ERBB4: variants seen among roughly 807,000 people sequenced by gnomAD.
ERBB4 encodes receptor tyrosine-protein kinase erbB-4.
A neutral mutation model predicts 158.0 loss-of-function variants in ERBB4; 42 were observed. The observed-to-expected ratio is 0.27, with a 90% confidence interval of 0.21 to 0.34. The LOEUF is 0.34. ERBB4 is among the 10% of genes least tolerant of loss of function. The pLI is 1.00. For missense variants in ERBB4, 1,333 were observed against 1,624.1 expected (o/e 0.82, Z 3.08); for synonymous variants, 583 against 558.7 (o/e 1.04, Z -0.61).
intron 4 of ERBB4, among the ~76,000 whole-genome samples, chr2:211,757,745 C>A (rs997146916): frequency 1.3e-5 from 2 of 152,150 alleles, no homozygotes; most frequent in African/African-American, 4.8e-5. Flanking sequence ...TAATCTGGCA[C>A]AAAAGTTGTG....
chr2:212,469,773 T>A (rs1490585778), intron 1 of ERBB4, among the ~76,000 whole-genome samples: 1 of 152,148 alleles, frequency 6.6e-6, no homozygotes, highest in Non-Finnish European at 1.5e-5. Context: ...AATTCTAGTG[T>A]GATCATGCAT....
At chr2:212,474,839 T>TTTTTTTTTTTTTTTTTTTG (rs1245995165) in intron 1 of ERBB4, among the ~76,000 whole-genome samples, 5 of 136,218 alleles carry the variant, frequency 3.7e-5, no homozygotes, top group African/African-American at 1.0e-4. Context: ...TTTTTTTTTT[T>TTTTTTTTTTTTTTTTTTTG]TGTCAAGACA....
intron 2 of ERBB4, among the ~76,000 whole-genome samples, chr2:212,021,213 A>C (rs1195823631): frequency 1.3e-5 from 2 of 152,154 alleles, no homozygotes; most frequent in Non-Finnish European, 2.9e-5. Flanking sequence ...GACCTTTAGA[A>C]TTCCTATTCA....
intron 16 of ERBB4, among the ~76,000 whole-genome samples, chr2:211,632,723 A>G (rs963917625): frequency 6.6e-6 from 1 of 152,088 alleles, no homozygotes; most frequent in Non-Finnish European, 1.5e-5. Flanking sequence ...TTGCCATATA[A>G]TTACTATACA....
At chr2:211,872,799 A>G (rs913323405) in intron 3 of ERBB4, among the ~76,000 whole-genome samples, 1 of 152,092 alleles carries the variant, frequency 6.6e-6, no homozygotes, top group Non-Finnish European at 1.5e-5. Context: ...TAAAAGGTAC[A>G]TTTACTTTTA....
chr2:211,453,723 T>C (rs766315847), intron 20 of ERBB4, among the ~76,000 whole-genome samples: 2 of 152,144 alleles, frequency 1.3e-5, no homozygotes, highest in Non-Finnish European at 2.9e-5. Context: ...CCCAGGATAA[T>C]AGACGTATTT....
intron 1 of ERBB4, among the ~76,000 whole-genome samples, chr2:212,469,142 T>C (rs1422972911): frequency 1.3e-5 from 2 of 152,188 alleles, no homozygotes; most frequent in Non-Finnish European, 2.9e-5. Flanking sequence ...ATTTTCAAAA[T>C]CTACATATAA....
intron 3 of ERBB4, among the ~76,000 whole-genome samples, chr2:211,803,124 T>C (rs2076537503): frequency 6.6e-6 from 1 of 152,364 alleles, no homozygotes; most frequent in East Asian, 1.9e-4. Flanking sequence ...ATTTTGAATC[T>C]ATTTGGCTGA....
At chr2:211,867,644 T>A (rs566609881) in intron 3 of ERBB4, among the ~76,000 whole-genome samples, 1 of 152,264 alleles carries the variant, frequency 6.6e-6, no homozygotes, top group Non-Finnish European at 1.5e-5. Context: ...ATATTGCCCA[T>A]GCTGGCCTTG....
At chr2:211,473,147 T>C (rs1285659108) in intron 20 of ERBB4, among the ~76,000 whole-genome samples, 1 of 151,924 alleles carries the variant, frequency 6.6e-6, no homozygotes, top group Non-Finnish European at 1.5e-5. Flanking sequence ...ATTCTCATTA[T>C]AGGAAGGCAA....
chr2:211,797,076 T>G (rs1312689627), intron 3 of ERBB4, among the ~76,000 whole-genome samples: 1 of 151,900 alleles, frequency 6.6e-6, no homozygotes, highest in African/African-American at 2.4e-5. Flanking sequence ...GGATGAGAAA[T>G]TTAATGTCTT....
chr2:212,148,690 A>T (rs1575705484), intron 1 of ERBB4, among the ~76,000 whole-genome samples: 1 of 152,078 alleles, frequency 6.6e-6, no homozygotes, highest in East Asian at 1.9e-4. Flanking sequence ...ACTATAAATC[A>T]CGCTGCTATA....
At chr2:212,105,380 T>C (rs1311415965) in intron 2 of ERBB4, among the ~76,000 whole-genome samples, 1 of 152,218 alleles carries the variant, frequency 6.6e-6, no homozygotes, top group Non-Finnish European at 1.5e-5. Context: ...CTTATGATTA[T>C]ATAAGAAGAA....
At chr2:211,454,551 C>T (rs756494534) in intron 20 of ERBB4, among the ~76,000 whole-genome samples, 1 of 152,210 alleles carries the variant, frequency 6.6e-6, no homozygotes, top group Non-Finnish European at 1.5e-5. Flanking sequence ...ATTTCTCTCT[C>T]TCTCTCTCTT....
intron 25 of ERBB4, among the ~76,000 whole-genome samples, chr2:211,402,235 C>T (rs565745019): frequency 6.6e-6 from 1 of 152,058 alleles, no homozygotes; most frequent in Admixed American, 6.6e-5. Context: ...AAGTAGATAA[C>T]CAACCGGTTA....
intron 2 of ERBB4, among the ~76,000 whole-genome samples, chr2:212,009,976 C>T (rs1277533290): frequency 1.3e-5 from 2 of 152,172 alleles, no homozygotes; most frequent in Non-Finnish European, 2.9e-5. Context: ...AATAATCTTC[C>T]TATTGTTTCC....
At chr2:211,458,231 C>G (rs973474795) in intron 20 of ERBB4, among the ~76,000 whole-genome samples, 1 of 151,124 alleles carries the variant, frequency 6.6e-6, no homozygotes, top group Admixed American at 6.6e-5. Context: ...GCCTACTGTA[C>G]AATGAGCCTT....
chr2:212,146,229 A>G (rs2080668049), intron 1 of ERBB4, among the ~76,000 whole-genome samples: 2 of 152,192 alleles, frequency 1.3e-5, no homozygotes, highest in South Asian at 4.1e-4. Flanking sequence ...GGGCTCCTCA[A>G]TAATGTTAAT....
intron 2 of ERBB4, among the ~76,000 whole-genome samples, chr2:212,048,390 A>G (rs1253707578): frequency 6.6e-6 from 1 of 152,140 alleles, no homozygotes; most frequent in Non-Finnish European, 1.5e-5. Flanking sequence ...AAATGGAGGA[A>G]GCTATAGCAG....
Sources: allele counts gnomAD v4.1 joint callset (sites outside exome capture counted in the v4.1 genomes callset), GRCh38; gene constraint gnomAD v4.1.1; transcripts MANE v1.5; gene names NCBI Gene and HGNC (gene_info 2026-07-23, HGNC 2026-07-21).